KIAA1958: variants seen among roughly 807,000 people sequenced by gnomAD.
KIAA1958 encodes the protein uncharacterized protein KIAA1958.
A neutral mutation model predicts 47.2 loss-of-function variants in KIAA1958; 14 were observed. The ratio of observed to expected loss-of-function variants is 0.30; its 90% CI spans 0.20 to 0.46. KIAA1958 has a LOEUF of 0.46. Among genes scored for constraint, KIAA1958 ranks in the 20% least tolerant of loss-of-function variants. KIAA1958 has a pLI of 1.00. For synonymous variants in KIAA1958, 354 were observed against 353.3 expected (o/e 1.00, Z -0.02); for missense variants, 803 against 909.2 (o/e 0.88, Z 1.50).
At chr9:112,487,785 C>T (rs1740516132) in intron 1 of KIAA1958, among the ~76,000 whole-genome samples, 1 of 151,830 alleles carries the variant, frequency 6.6e-6, no homozygotes, top group African/African-American at 2.4e-5. Context: ...GAAATGTATT[C>T]CCCTGGGTAG....
At chr9:112,578,854 C>T (rs955832192) in intron 2 of KIAA1958, among the ~76,000 whole-genome samples, 14 of 151,938 alleles carry the variant, frequency 9.2e-5, no homozygotes, top group Non-Finnish European at 1.8e-4. Flanking sequence ...AAATCTCTAT[C>T]GCATCATGAG....
At position 112,667,624 on chromosome 9, in the gene KIAA1958, G is replaced by A. The variant is rs566056365; in HGVS notation, c.*7555G>A. 6.6e-6 allele frequency: 1 copy of A among 152,178 alleles called. No homozygotes were observed. Among genetic ancestry groups the A allele is most frequent in the African/African-American group, 2.4e-5 (1 of 41,520 alleles). The allele number at this position is 152,178 out of a possible 1,614,324, so 9.4% of individuals were successfully genotyped here. The stretch of plus-strand genomic sequence containing the variant: ...AAATTGCCTGTAAGAAAACCAAAGA[G>A]CATCTGGCTTCAGACTTCTGCTCTA... On this transcript the variant is annotated 3_prime_UTR_variant, in exon 4 of 4. Coordinates refer to ENST00000337530, the MANE Select transcript of KIAA1958 (RefSeq NM_133465.4).
chr9:112,503,011 T>C (rs1834170393), intron 1 of KIAA1958, among the ~76,000 whole-genome samples: 1 of 152,182 alleles, frequency 6.6e-6, no homozygotes, highest in African/African-American at 2.4e-5. Context: ...TTCTAGATGC[T>C]AGGAAATCAG....
At chr9:112,493,935 A>G (rs1220537700) in intron 1 of KIAA1958, among the ~76,000 whole-genome samples, 4 of 152,180 alleles carry the variant, frequency 2.6e-5, no homozygotes, top group Non-Finnish European at 5.9e-5. Flanking sequence ...CCTCACAATT[A>G]CTTAACTGTG....
intron 2 of KIAA1958, among the ~76,000 whole-genome samples, chr9:112,614,920 G>A (rs529782467): frequency 2.6e-5 from 4 of 152,292 alleles, no homozygotes; most frequent in East Asian, 1.9e-4. Context: ...GGACCCTTCC[G>A]TGGTTGTCTT....
At chr9:112,620,324 T>C (rs1371459497) in intron 2 of KIAA1958, among the ~76,000 whole-genome samples, 1 of 152,222 alleles carries the variant, frequency 6.6e-6, no homozygotes, top group Non-Finnish European at 1.5e-5. Context: ...GTGAATTCTA[T>C]TGGGAAATAT....
chr9:112,497,389 C>T (rs990105967), intron 1 of KIAA1958, among the ~76,000 whole-genome samples: 6 of 152,056 alleles, frequency 3.9e-5, no homozygotes, highest in African/African-American at 1.4e-4. Flanking sequence ...GGGACATGCA[C>T]ATAGGGGAAA....
intron 2 of KIAA1958, chr9:112,617,939 G>A (rs994051519): frequency 4.5e-6 from 7 of 1,550,544 alleles, no homozygotes; most frequent in Non-Finnish European, 6.1e-6. Context: ...CACGCAGACC[G>A]CGCTCCGCAA....
intron 1 of KIAA1958, among the ~76,000 whole-genome samples, chr9:112,520,599 G>A (rs557317585): frequency 2.6e-5 from 4 of 152,296 alleles, no homozygotes; most frequent in African/African-American, 9.6e-5. Flanking sequence ...AATGAACAGG[G>A]TGTTGAAACT....
At chr9:112,534,807 G>A (rs1834823339) in intron 1 of KIAA1958, among the ~76,000 whole-genome samples, 2 of 152,184 alleles carry the variant, frequency 1.3e-5, no homozygotes, top group East Asian at 3.8e-4. Flanking sequence ...GCCTCCCAAA[G>A]TGCTGGGATT....
At chr9:112,640,860 C>A (rs569947973) in intron 2 of KIAA1958, among the ~76,000 whole-genome samples, 1 of 152,266 alleles carries the variant, frequency 6.6e-6, no homozygotes, top group Admixed American at 6.5e-5. Context: ...GTTTTCTATA[C>A]ATCATGGCTT....
chr9:112,509,200 C>CT (rs67222850), intron 1 of KIAA1958, among the ~76,000 whole-genome samples: 1,613 of 113,112 alleles, frequency 0.014, 17 homozygotes, highest in Non-Finnish European at 0.019. Flanking sequence ...CAGGCCCATT[C>CT]TTTTTTTTTT....
In KIAA1958 at chr9:112,660,108, C is replaced by T. The variant is rs776582986; in HGVS notation, c.*39C>T. On this transcript the variant is annotated 3_prime_UTR_variant, in exon 4 of 4. Coordinates refer to ENST00000337530, the MANE Select transcript of KIAA1958 (RefSeq NM_133465.4). Reference sequence around the variant, plus strand: ...CCCGGCCACTGCCCTGTCACCTGCTCGGGCCAGCCAGGGTTGGAGCAGCTG... The same window carrying T: ...CCCGGCCACTGCCCTGTCACCTGCTTGGGCCAGCCAGGGTTGGAGCAGCTG... The T allele has an allele frequency of 3.8e-6, 6 of 1,573,582 alleles. No homozygotes were observed. The highest frequency in any genetic ancestry group is 2.2e-5 in the East Asian group (1 of 44,726).
At chr9:112,614,898 C>T (rs145664137) in intron 2 of KIAA1958, among the ~76,000 whole-genome samples, 2 of 152,324 alleles carry the variant, frequency 1.3e-5, no homozygotes, top group Non-Finnish European at 2.9e-5. Flanking sequence ...ACAACATCCA[C>T]ACCAGCATTC....
At chr9:112,612,238 ATC>A (rs1056360578) in intron 2 of KIAA1958, among the ~76,000 whole-genome samples, 18 of 151,796 alleles carry the variant, frequency 1.2e-4, no homozygotes, top group Admixed American at 1.2e-3. Context: ...TAAGACCCCC[ATC>A]TCTAACAAAA....
intron 1 of KIAA1958, among the ~76,000 whole-genome samples, chr9:112,559,112 G>C (rs928101086): frequency 6.6e-6 from 1 of 152,192 alleles, no homozygotes; most frequent in Non-Finnish European, 1.5e-5. Context: ...TGAGTTCTTG[G>C]AATTGAACCA....
intron 1 of KIAA1958, among the ~76,000 whole-genome samples, chr9:112,563,679 T>G (rs1188426536): frequency 1.3e-5 from 2 of 151,978 alleles, no homozygotes. Flanking sequence ...AGGATCAGTT[T>G]TACTTCTTTT....
intron 1 of KIAA1958, among the ~76,000 whole-genome samples, chr9:112,510,866 T>G (rs913253846): frequency 5.3e-5 from 8 of 152,012 alleles, no homozygotes; most frequent in African/African-American, 1.9e-4. Flanking sequence ...ATCTAAAGGT[T>G]GTGAAGAAGC....
Position 112,660,958 on chromosome 9 carries a change from C to T in KIAA1958, c.*889C>T, listed in dbSNP as rs971768843. ...TTTTTTGAGGTTTCTGTCTGTTCTT[C>T]GTGTCATCCCATTATTCGGTCAGCA... On this transcript the variant is annotated 3_prime_UTR_variant, in exon 4 of 4. Transcript: ENST00000337530. The T allele has an allele frequency of 2.6e-5, 4 of 152,302 alleles. No homozygotes were observed. Among genetic ancestry groups the T allele is most frequent in the South Asian group, 2.1e-4 (1 of 4,828 alleles). 9.4% of individuals were successfully genotyped at this position (152,302 alleles called of 1,614,324 possible). A position where few individuals can be genotyped will look rare whatever the true frequency, so the allele number is the denominator to read the frequency against.
Sources: allele counts gnomAD v4.1 joint callset (sites outside exome capture counted in the v4.1 genomes callset), GRCh38; gene constraint gnomAD v4.1.1; transcripts MANE v1.5; gene names NCBI Gene and HGNC (gene_info 2026-07-23, HGNC 2026-07-21).